Variants in KDM6A observed in about 807,000 individuals in gnomAD.
KDM6A encodes lysine-specific demethylase 6A.
A neutral mutation model predicts 117.6 loss-of-function variants in KDM6A; 11 were observed. The ratio of observed to expected loss-of-function variants is 0.09; its 90% confidence interval spans 0.06 to 0.15. The LOEUF is 0.15. Among genes scored for constraint, KDM6A ranks in the 10% least tolerant of loss-of-function variants. The pLI, the probability that KDM6A is intolerant of heterozygous loss-of-function variation, is 1.00. For missense variants in KDM6A, 799 were observed against 1,077.3 expected (o/e 0.74, Z 3.62); for synonymous variants, 384 against 396.1 (o/e 0.97, Z 0.36).
chrX:44,958,764 G>A (rs1206923903), intron 2 of KDM6A, among the ~76,000 whole-genome samples: 1 of 109,112 alleles, frequency 9.2e-6, no homozygotes, highest in Non-Finnish European at 1.9e-5. Context: ...TTTTACTTGT[G>A]TACATTTAAA....
chrX:44,996,365 G>C (rs1350375310), intron 4 of KDM6A, among the ~76,000 whole-genome samples: 2 of 109,863 alleles, frequency 1.8e-5, no homozygotes, highest in East Asian at 5.9e-4. Flanking sequence ...GTGAGCCACT[G>C]TGCTTGGCCT....
rs978164556 is a variant in KDM6A, at chrX:45,031,326, C to A, written c.565-3605C>A. Among the ~76,000 whole-genome samples the A allele has an allele frequency of 5.4e-5, 6 of 111,873 alleles. No homozygotes were observed. In the Admixed American group the frequency reaches 5.7e-4, roughly 11 times the overall value. On this transcript the variant is annotated intron_variant, in intron 6 of 29. Coordinates refer to ENST00000611820, the MANE Select transcript of KDM6A (RefSeq NM_001291415.2). ...TTCTGTAGATGTATAGCCATAGAAG[C>A]GTGCCTGGCATAGATAAAAGCTGGT...
At chrX:45,011,091 G>A in intron 5 of KDM6A, 72 bp downstream of exon 5, 1 of 792,905 alleles carries the variant, frequency 1.3e-6, no homozygotes, top group Admixed American at 2.4e-5. Context: ...GTTTGTGCTT[G>A]ATTTTTTGTG....
At chrX:44,966,869 C>CTCTT (rs1286093325) in intron 3 of KDM6A, among the ~76,000 whole-genome samples, 7 of 88,931 alleles carry the variant, frequency 7.9e-5, no homozygotes, top group African/African-American at 2.3e-4. Context: ...CTCTCTCTCT[C>CTCTT]TTTTTTTTTT....
intron 10 of KDM6A, among the ~76,000 whole-genome samples, chrX:45,056,616 AT>A (rs1170885315): frequency 8.9e-6 from 1 of 111,805 alleles, no homozygotes. Flanking sequence ...TGGGTTCATA[AT>A]CACAGATAAT....
intron 2 of KDM6A, among the ~76,000 whole-genome samples, chrX:44,901,063 C>T (rs1332682441): frequency 8.9e-6 from 1 of 111,802 alleles, no homozygotes; most frequent in Non-Finnish European, 1.9e-5. Flanking sequence ...GAGAGCATAG[C>T]TTTTAAAATT....
At position 45,089,423 on chromosome X, in the gene KDM6A, G is replaced by A. The variant is rs2045794210; in HGVS notation, c.3705-320G>A. Among the ~76,000 whole-genome samples the A allele has an allele frequency of 2.7e-5, 3 of 109,470 alleles. No homozygotes were observed. In the South Asian group the frequency reaches 1.2e-3, roughly 44 times the overall value. On this transcript the variant is annotated intron_variant, in intron 25 of 29. Coordinates refer to ENST00000611820, the MANE Select transcript of KDM6A (RefSeq NM_001291415.2). ...TGCCTGTAATCCCAGTTACTCCAGA[G>A]GCTGAGGCAGGAGAATTGCTTGAGC...
chrX:45,084,759 A>G (rs1376255565), intron 24 of KDM6A, among the ~76,000 whole-genome samples: 2 of 111,470 alleles, frequency 1.8e-5, no homozygotes, highest in East Asian at 2.8e-4. Flanking sequence ...CCAAGTAGCT[A>G]GGACTACAAG....
chrX:45,053,316 C>T (rs1268892262), intron 9 of KDM6A, among the ~76,000 whole-genome samples: 1 of 110,421 alleles, frequency 9.1e-6, no homozygotes, highest in East Asian at 2.8e-4. Context: ...CCTGTAGTCC[C>T]AGCTACTCAG....
At chrX:44,951,191 C>T (rs1273385673) in intron 2 of KDM6A, among the ~76,000 whole-genome samples, 1 of 111,466 alleles carries the variant, frequency 9.0e-6, no homozygotes, top group Admixed American at 9.6e-5. Flanking sequence ...CCCCTCTGTG[C>T]AGAGGTAAAA....
At chrX:45,060,248 G>C in intron 13 of KDM6A, 92 bp downstream of exon 13, 1 of 1,157,981 alleles carries the variant, frequency 8.6e-7, no homozygotes, top group Non-Finnish European at 1.2e-6. Flanking sequence ...AGCACAGGAG[G>C]CTTTTAGTAA....
intron 2 of KDM6A, among the ~76,000 whole-genome samples, chrX:44,874,449 C>A (rs1377023905): frequency 2.7e-5 from 3 of 111,708 alleles, no homozygotes; most frequent in Non-Finnish European, 3.8e-5. Flanking sequence ...CTTGTGTCCC[C>A]GCTCCCAGAA....
chrX:44,883,418 G>A (rs934497689), intron 2 of KDM6A, among the ~76,000 whole-genome samples: 3 of 110,018 alleles, frequency 2.7e-5, no homozygotes, highest in Non-Finnish European at 3.8e-5. Context: ...TGTCGTCCAG[G>A]CTGGAGTGCA....
At chrX:44,934,070 T>C (rs2036830960) in intron 2 of KDM6A, among the ~76,000 whole-genome samples, 1 of 112,608 alleles carries the variant, frequency 8.9e-6, no homozygotes, top group Non-Finnish European at 1.9e-5. Flanking sequence ...TCGCCTTTTA[T>C]CATTTTATTG....
intron 4 of KDM6A, among the ~76,000 whole-genome samples, chrX:44,997,862 C>CT (rs1013447986): frequency 3.6e-5 from 4 of 111,674 alleles, no homozygotes; most frequent in Non-Finnish European, 7.5e-5. Context: ...ATGGCAATGG[C>CT]TTTTTTAAGG....
At position 44,873,409 on chromosome X, in the gene KDM6A, T is replaced by G; in HGVS notation, c.-143T>G. On this transcript the variant is annotated 5_prime_UTR_variant, in exon 1 of 30. Coordinates refer to ENST00000611820, the MANE Select transcript of KDM6A (RefSeq NM_001291415.2). ...CGCCTTCACCGCCGCCGCGTTGGGA[T>G]TTTTCGTCGCCGCCGCCCGCGGCGG... 1 of 850,807 alleles carries G rather than the reference T, an allele frequency of 1.2e-6. No individual in the cohort carries two copies. The highest frequency in any genetic ancestry group is 3.4e-5 in the Admixed American group (1 of 29,547). The allele number at this position is 850,807 out of a possible 1,213,427, so 70.1% of individuals were successfully genotyped here.
rs773296184 is a variant in KDM6A, at chrX:44,937,081, C to T, written c.226-24203C>T. Among the ~76,000 whole-genome samples the T allele has an allele frequency of 2.0e-4, 22 of 110,493 alleles. No homozygotes were observed. The South Asian group carries it at 2.7e-3, about 13-fold the overall frequency. ...CATGATTTACTGATACTATCCTAGG[C>T]CCTGGGAGTAGCAGTGAGTTTGATG... On this transcript the variant is annotated intron_variant, in intron 2 of 29. Coordinates refer to ENST00000611820, the MANE Select transcript of KDM6A (RefSeq NM_001291415.2).
chrX:44,993,144 G>T (rs142951631), intron 4 of KDM6A, among the ~76,000 whole-genome samples: 13 of 111,553 alleles, frequency 1.2e-4, no homozygotes, highest in African/African-American at 4.2e-4. Flanking sequence ...AGACAACAGT[G>T]GAAGAATCTT....
intron 23 of KDM6A, among the ~76,000 whole-genome samples, chrX:45,083,244 TTTTTTC>T (rs2045501083): frequency 8.9e-6 from 1 of 112,139 alleles, no homozygotes; most frequent in African/African-American, 3.2e-5. Flanking sequence ...TTAAAATAGT[TTTTTTC>T]TTTTATTGGT....
Sources: allele counts gnomAD v4.1 joint callset (sites outside exome capture counted in the v4.1 genomes callset), GRCh38; gene constraint gnomAD v4.1.1; transcripts MANE v1.5; gene names NCBI Gene and HGNC (gene_info 2026-07-23, HGNC 2026-07-21).